The following PTPRT variants were observed in gnomAD, a reference collection of about 807,000 sequenced individuals.
PTPRT encodes receptor-type tyrosine-protein phosphatase T.
PTPRT carries 56 observed loss-of-function variants against 176.8 expected under a neutral mutation model. That is an observed-to-expected ratio of 0.32 (90% CI 0.26 to 0.40). The LOEUF is 0.40. PTPRT is among the 10% of genes least tolerant of loss of function. The pLI is 1.00. For missense variants in PTPRT, 1,540 were observed against 1,908.2 expected, an observed-to-expected ratio of 0.81 and a Z score of 3.60; for synonymous variants, 783 against 739.0, an observed-to-expected ratio of 1.06 and a Z score of -0.96.
intron 9 of PTPRT, among the ~76,000 whole-genome samples, chr20:42,379,642 G>T (rs2058681412): frequency 6.6e-6 from 1 of 152,240 alleles, no homozygotes; most frequent in South Asian, 2.1e-4. Flanking sequence ...TCTCGGCCTT[G>T]GCCCTGGCCG....
intron 7 of PTPRT, among the ~76,000 whole-genome samples, chr20:42,567,317 A>C (rs1449485185): frequency 1.3e-5 from 2 of 151,930 alleles, no homozygotes; most frequent in East Asian, 1.9e-4. Flanking sequence ...GAGAAAAAAA[A>C]CGATTTTTAA....
At chr20:42,755,018 A>G (rs370818578) in intron 6 of PTPRT, among the ~76,000 whole-genome samples, 15 of 152,300 alleles carry the variant, frequency 9.8e-5, no homozygotes, top group African/African-American at 3.4e-4. Context: ...CCAAGTAAAC[A>G]AATAAAGGCA....
chr20:43,053,226 C>T (rs1011813618), intron 1 of PTPRT, among the ~76,000 whole-genome samples: 7 of 152,224 alleles, frequency 4.6e-5, no homozygotes, highest in African/African-American at 1.7e-4. Flanking sequence ...TTCCCCATCA[C>T]TCACCCATCC....
At chr20:42,264,200 C>A (rs187589700) in intron 13 of PTPRT, among the ~76,000 whole-genome samples, 6 of 152,226 alleles carry the variant, frequency 3.9e-5, no homozygotes, top group African/African-American at 1.4e-4. Context: ...CATATATGCT[C>A]CCTGATTAGA....
chr20:42,277,227 A>G (rs1461174479), intron 13 of PTPRT, among the ~76,000 whole-genome samples: 1 of 152,180 alleles, frequency 6.6e-6, no homozygotes, highest in Non-Finnish European at 1.5e-5. Context: ...GAGAGTGTTT[A>G]CTAGATTAAA....
chr20:42,161,927 G>A (rs1216147755), intron 16 of PTPRT, among the ~76,000 whole-genome samples: 1 of 152,122 alleles, frequency 6.6e-6, no homozygotes, highest in Non-Finnish European at 1.5e-5. Flanking sequence ...AGTGCCTGAT[G>A]CCTGTCTGCA....
rs11483503 is a variant in PTPRT, at chr20:43,076,429, C to CAA, written c.88+113215_88+113216dup. ...ATTTTTAATGCAAGCCAAATGAAACCAAAAAAAAAAATACTTCAGGAAAAG... is the reference window on the plus strand; with the variant it reads ...ATTTTTAATGCAAGCCAAATGAAACCAAAAAAAAAAAAATACTTCAGGAAAAG... On this transcript the variant is annotated intron_variant, in intron 1 of 30. Transcript: ENST00000373187. Among the ~76,000 whole-genome samples the CAA allele has an allele frequency of 3.3e-3, 486 of 148,478 alleles. 6 individuals are homozygous for CAA. Among genetic ancestry groups the CAA allele is most frequent in the Non-Finnish European group, 3.8e-3 (252 of 66,980 alleles).
At chr20:42,581,448 C>G (rs2073369040) in intron 7 of PTPRT, among the ~76,000 whole-genome samples, 1 of 151,448 alleles carries the variant, frequency 6.6e-6, no homozygotes, top group South Asian at 2.1e-4. Context: ...TTGGTGCATC[C>G]AAACCTAGTA....
chr20:42,862,442 A>T (rs970683351), intron 2 of PTPRT, among the ~76,000 whole-genome samples: 2 of 152,178 alleles, frequency 1.3e-5, no homozygotes, highest in African/African-American at 4.8e-5. Flanking sequence ...CTGCTCCAGG[A>T]AATTGGGTCT....
intron 8 of PTPRT, 59 bp downstream of exon 8, chr20:42,472,207 T>A: frequency 6.5e-7 from 1 of 1,547,608 alleles, no homozygotes; most frequent in Non-Finnish European, 8.8e-7. Flanking sequence ...CTGACTGCCA[T>A]GGCCCTGTGA....
chr20:42,529,107 T>A (rs1477985759), intron 7 of PTPRT, among the ~76,000 whole-genome samples: 1 of 152,202 alleles, frequency 6.6e-6, no homozygotes, highest in African/African-American at 2.4e-5. Context: ...AATTTTAAAT[T>A]AACGTGCTCA....
intron 8 of PTPRT, among the ~76,000 whole-genome samples, chr20:42,462,857 T>C (rs997099824): frequency 9.2e-5 from 14 of 152,192 alleles, no homozygotes; most frequent in Admixed American, 4.6e-4. Flanking sequence ...ACAGCCTCTG[T>C]AGCGAGCCAT....
At chr20:42,763,798 G>A (rs921007217) in intron 5 of PTPRT, among the ~76,000 whole-genome samples, 4 of 152,162 alleles carry the variant, frequency 2.6e-5, no homozygotes, top group Non-Finnish European at 5.9e-5. Flanking sequence ...TTGATTAGCT[G>A]TGCTGAAACC....
intron 7 of PTPRT, among the ~76,000 whole-genome samples, chr20:42,473,109 C>T (rs1159710590): frequency 6.6e-6 from 1 of 152,156 alleles, no homozygotes; most frequent in African/African-American, 2.4e-5. Context: ...CCCATTAACC[C>T]TGCTTTAGGA....
intron 1 of PTPRT, among the ~76,000 whole-genome samples, chr20:43,076,429 C>CA (rs11483503): frequency 0.53 from 78,036 of 148,328 alleles, 20,391 homozygotes; most frequent in East Asian, 0.73. Context: ...CAAATGAAAC[C>CA]AAAAAAAAAA....
At position 42,710,442 on chromosome 20, in the gene PTPRT, T is replaced by C. The variant is rs1357955449; in HGVS notation, c.860-32283A>G. Among the ~76,000 whole-genome samples, 5 of 152,172 alleles carry C rather than the reference T, an allele frequency of 3.3e-5. No homozygotes were observed. In the East Asian group the frequency reaches 7.7e-4, roughly 23 times the overall value. ...TGGCTGCTCCAGCTCCCACTGTGGC[T>C]CAAAGGGCCCCAGATACAGCTCAGG... is the stretch of plus-strand genomic sequence containing the variant. On this transcript the variant is annotated intron_variant, in intron 6 of 30. Transcript: ENST00000373187.
intron 11 of PTPRT, among the ~76,000 whole-genome samples, chr20:42,322,703 A>G (rs986902203): frequency 1.1e-4 from 17 of 152,128 alleles, no homozygotes; most frequent in African/African-American, 3.9e-4. Flanking sequence ...GGCATGGGCA[A>G]GGACTTCATG....
chr20:42,577,012 G>C lies in PTPRT; in HGVS notation c.1153+100854C>G, dbSNP rs533308928. 1.2e-3 allele frequency among the ~76,000 whole-genome samples: 184 copies of C among 152,120 alleles called. 1 individual carries two copies. The highest frequency in any genetic ancestry group is 8.2e-4 in the Non-Finnish European group (56 of 67,962). ...GGGACAATGTCAGGGAGTAAAATGA[G>C]GGAGAGTAAAAATGACAATAAAGTA... On this transcript the variant is annotated intron_variant, in intron 7 of 30. Coordinates refer to ENST00000373187, the MANE Select transcript of PTPRT (RefSeq NM_007050.6).
intron 1 of PTPRT, among the ~76,000 whole-genome samples, chr20:43,075,719 C>A (rs887375320): frequency 7.2e-5 from 11 of 152,140 alleles, no homozygotes; most frequent in African/African-American, 2.4e-4. Context: ...TCTGCATGGA[C>A]CGATGGAAGA....
Sources: allele counts gnomAD v4.1 joint callset (sites outside exome capture counted in the v4.1 genomes callset), GRCh38; gene constraint gnomAD v4.1.1; transcripts MANE v1.5; gene names NCBI Gene and HGNC (gene_info 2026-07-23, HGNC 2026-07-21).